The following CNOT4 variants were observed in gnomAD, a reference collection of about 807,000 sequenced individuals.
The protein encoded by CNOT4 is CCR4-associated factor 4.
In CNOT4, 8 loss-of-function variants were observed where a neutral mutation model predicts 73.8. The observed-to-expected ratio is 0.11, with a 90% CI of 0.06 to 0.20. The LOEUF is 0.20. Ranked by LOEUF, CNOT4 falls within the 10% of genes least tolerant of loss-of-function variation. The pLI is 1.00. For missense variants in CNOT4, 564 were observed against 883.4 expected (o/e 0.64, Z 4.58); for synonymous variants, 293 against 321.1 (o/e 0.91, Z 0.94).
chr7:135,468,928 G>A (rs939635569), intron 1 of CNOT4, among the ~76,000 whole-genome samples: 1 of 152,138 alleles, frequency 6.6e-6, no homozygotes, highest in African/African-American at 2.4e-5. Context: ...ACCAAGGCCT[G>A]AGTAACTCCA....
At chr7:135,444,734 C>A in intron 1 of CNOT4, 1 of 1,400,796 alleles carries the variant, frequency 7.1e-7, no homozygotes, top group Non-Finnish European at 1.0e-6. Context: ...TGGGCTATTC[C>A]CTGGCTGCGA....
chr7:135,404,513 C>T (rs545982445), intron 7 of CNOT4, among the ~76,000 whole-genome samples: 40 of 152,238 alleles, frequency 2.6e-4, no homozygotes, highest in African/African-American at 9.1e-4. Context: ...ATCCTGAGGC[C>T]TATTCATAAT....
At chr7:135,413,038 G>T (rs927638250) in intron 6 of CNOT4, among the ~76,000 whole-genome samples, 3 of 151,998 alleles carry the variant, frequency 2.0e-5, no homozygotes, top group Admixed American at 1.3e-4. Flanking sequence ...AGCATCATTT[G>T]ACAGAGTATT....
At chr7:135,405,073 G>A (rs1476726891) in intron 7 of CNOT4, among the ~76,000 whole-genome samples, 1 of 152,166 alleles carries the variant, frequency 6.6e-6, no homozygotes, top group African/African-American at 2.4e-5. Flanking sequence ...TGAGGGATGA[G>A]CTTGGGCTTT....
chr7:135,401,672 G>C lies in CNOT4; in HGVS notation c.822-3446C>G, dbSNP rs149752257. The stretch of plus-strand genomic sequence containing the variant: ...CTAGAAAGGTGTTTGAAAAATTGGA[G>C]ATACCAATTCTATCCTCAAGGATAG... On this transcript the variant is annotated intron_variant, in intron 7 of 11. Transcript: ENST00000541284. Among the ~76,000 whole-genome samples the C allele has an allele frequency of 1.4e-3, 207 of 152,202 alleles. 1 individual carries two copies. Among genetic ancestry groups the C allele is most frequent in the African/African-American group, 4.9e-3 (204 of 41,538 alleles).
chr7:135,427,671 T>A (rs371884907), intron 2 of CNOT4, among the ~76,000 whole-genome samples: 2 of 152,226 alleles, frequency 1.3e-5, no homozygotes, highest in African/African-American at 4.8e-5. Flanking sequence ...AACATCTAAT[T>A]TGATTATACT....
At chr7:135,402,750 A>G (rs959868151) in intron 7 of CNOT4, among the ~76,000 whole-genome samples, 1 of 152,212 alleles carries the variant, frequency 6.6e-6, no homozygotes, top group African/African-American at 2.4e-5. Flanking sequence ...ACTGTCTGCA[A>G]ACAGGTAGTC....
At chr7:135,412,442 A>T (rs1453563784) in intron 6 of CNOT4, among the ~76,000 whole-genome samples, 1 of 151,994 alleles carries the variant, frequency 6.6e-6, no homozygotes, top group Non-Finnish European at 1.5e-5. Context: ...GTTCTACCTT[A>T]GATTTCATTC....
chr7:135,465,563 G>A (rs557004821), intron 1 of CNOT4, among the ~76,000 whole-genome samples: 9 of 152,042 alleles, frequency 5.9e-5, no homozygotes, highest in African/African-American at 9.6e-5. Flanking sequence ...AAAGTTAACC[G>A]GAAAAGCAGC....
intron 10 of CNOT4, among the ~76,000 whole-genome samples, chr7:135,370,011 A>G (rs118120610): frequency 6.6e-6 from 1 of 152,212 alleles, no homozygotes; most frequent in Admixed American, 6.5e-5. Flanking sequence ...TAACTAAAAT[A>G]TGCAGAGAAA....
chr7:135,424,038 AAAAC>A (rs1798344275), intron 2 of CNOT4, among the ~76,000 whole-genome samples: 1 of 125,022 alleles, frequency 8.0e-6, no homozygotes, highest in South Asian at 2.7e-4. Context: ...ACAAACAAAC[AAAAC>A]ACACACACAC....
chr7:135,423,460 T>C (rs1007663319), intron 2 of CNOT4, among the ~76,000 whole-genome samples: 8 of 149,282 alleles, frequency 5.4e-5, no homozygotes, highest in Non-Finnish European at 8.9e-5. Context: ...CATCTCTTCA[T>C]ATATAAGCGT....
chr7:135,496,669 G>GA (rs977032202), intron 1 of CNOT4, among the ~76,000 whole-genome samples: 2 of 151,240 alleles, frequency 1.3e-5, no homozygotes, highest in Non-Finnish European at 2.9e-5. Context: ...CTTTCCCTTA[G>GA]AAAATCTCTT....
At chr7:135,431,575 C>G (rs551995743) in intron 2 of CNOT4, among the ~76,000 whole-genome samples, 69 of 152,090 alleles carry the variant, frequency 4.5e-4, no homozygotes, top group Non-Finnish European at 7.2e-4. Flanking sequence ...AACCCTGTCT[C>G]TACTAAAAAT....
intron 1 of CNOT4, among the ~76,000 whole-genome samples, chr7:135,482,626 G>GA (rs578109720): frequency 8.6e-5 from 13 of 150,422 alleles, no homozygotes; most frequent in African/African-American, 2.9e-4. Context: ...ACAAAAAAAG[G>GA]AAAAAAAAGA....
At chr7:135,421,092 T>A (rs1798166026) in intron 3 of CNOT4, among the ~76,000 whole-genome samples, 2 of 152,184 alleles carry the variant, frequency 1.3e-5, no homozygotes, top group Admixed American at 1.3e-4. Context: ...TCCCTGACTT[T>A]CGCGGGGTCA....
chr7:135,405,114 T>C lies in CNOT4; in HGVS notation c.821+5401A>G, dbSNP rs760313813. On this transcript the variant is annotated intron_variant, in intron 7 of 11. Transcript: ENST00000541284. Reference sequence around the variant, plus strand: ...CACAGAGACTTTGGTCAGAATCTTATCTACTGCTTATTTGTGTGGGATACT... The same window carrying C: ...CACAGAGACTTTGGTCAGAATCTTACCTACTGCTTATTTGTGTGGGATACT... Among the ~76,000 whole-genome samples the C allele has an allele frequency of 2.0e-5, 3 of 152,308 alleles. No individual in the cohort carries two copies. The South Asian group carries it at 6.2e-4, about 32-fold the overall frequency.
At chr7:135,472,274 G>A (rs1801633219) in intron 1 of CNOT4, among the ~76,000 whole-genome samples, 1 of 148,414 alleles carries the variant, frequency 6.7e-6, no homozygotes, top group South Asian at 2.1e-4. Flanking sequence ...TCAGGAGATC[G>A]AGACCATCCT....
chr7:135,412,444 A>G (rs763236450), intron 6 of CNOT4, among the ~76,000 whole-genome samples: 3 of 151,944 alleles, frequency 2.0e-5, no homozygotes, highest in Non-Finnish European at 4.4e-5. Context: ...TCTACCTTAG[A>G]TTTCATTCAA....
Sources: gnomAD v4.1 joint callset for allele counts (sites outside exome capture counted in the v4.1 genomes callset) on GRCh38, gnomAD v4.1.1 for gene constraint, MANE v1.5 for transcripts, NCBI Gene and HGNC (gene_info 2026-07-23, HGNC 2026-07-21) for gene names.